Variants in STAT4 observed in about 807,000 individuals in gnomAD.
STAT4 encodes signal transducer and activator of transcription 4.
Under a neutral mutation model 110.5 loss-of-function variants are expected in STAT4, and 42 were observed. The ratio of observed to expected loss-of-function variants is 0.38; its 90% confidence interval spans 0.30 to 0.49. STAT4 has a LOEUF of 0.49. Ranked by LOEUF, STAT4 falls within the 20% of genes least tolerant of loss-of-function variation. The pLI, the probability that STAT4 is intolerant of heterozygous loss-of-function variation, is 0.95. For synonymous variants in STAT4, 284 were observed against 302.2 expected, an observed-to-expected ratio of 0.94 and a Z score of 0.63; for missense variants, 632 against 887.9, an observed-to-expected ratio of 0.71 and a Z score of 3.66.
intron 4 of STAT4, among the ~76,000 whole-genome samples, chr2:191,074,185 C>A (rs1697246631): frequency 6.6e-6 from 1 of 152,190 alleles, no homozygotes; most frequent in African/African-American, 2.4e-5. Context: ...TAATCTGATA[C>A]TGGGTGTGTT....
rs1226721445 is a variant in STAT4, at chr2:191,062,723, T to G, written c.941+39A>C. The G allele has an allele frequency of 1.9e-6, 3 of 1,610,624 alleles. No individual in the cohort carries two copies. Among genetic ancestry groups the G allele is most frequent in the Non-Finnish European group, 2.5e-6 (3 of 1,178,162 alleles). ...AAACCTTAGGAAGGGTGTTCTTACT[T>G]CACAGAATGGAGGATGCCATTGATA... On this transcript the variant is annotated intron_variant, in intron 9 of 23. Coordinates refer to ENST00000392320, the MANE Select transcript of STAT4 (RefSeq NM_003151.4). This position sits in a 1 kb window ranked among gnomAD's most constrained non-coding sequence, Gnocchi z 4.9.
chr2:191,141,690 G>A (rs1186317451), intron 3 of STAT4, among the ~76,000 whole-genome samples: 1 of 151,250 alleles, frequency 6.6e-6, no homozygotes, highest in Non-Finnish European at 1.5e-5. Flanking sequence ...GAGTGCAGTG[G>A]CACTATCTCG....
In STAT4 at chr2:191,051,293, T is replaced by C. The variant is rs1696515856; in HGVS notation, c.1251+3197A>G. ...TTTTAGAGCCCAGTTTTCCCATCTGTGTAGACACCTGCTCCCTCGAGAGGA... is the reference window on the plus strand; with the variant it reads ...TTTTAGAGCCCAGTTTTCCCATCTGCGTAGACACCTGCTCCCTCGAGAGGA... On this transcript the variant is annotated intron_variant, in intron 14 of 23. Transcript: ENST00000392320. This position sits in a 1 kb window ranked among gnomAD's most constrained non-coding sequence, Gnocchi z 5.6. Among the ~76,000 whole-genome samples the C allele has an allele frequency of 6.6e-6, 1 of 152,200 alleles. No homozygotes were observed. Among genetic ancestry groups the C allele is most frequent in the Non-Finnish European group, 1.5e-5 (1 of 68,040 alleles).
intron 3 of STAT4, 66 bp from the exon 4 acceptor site, chr2:191,076,391 T>C: frequency 8.5e-7 from 1 of 1,169,680 alleles, no homozygotes; most frequent in African/African-American, 1.6e-5. Flanking sequence ...CATAAGAAAA[T>C]ATCACCTCTT....
In STAT4 at chr2:191,031,259, G is replaced by A; in HGVS notation, c.2112-179C>T. On this transcript the variant is annotated intron_variant, in intron 22 of 23. Coordinates refer to ENST00000392320, the MANE Select transcript of STAT4 (RefSeq NM_003151.4). This position sits in a 1 kb window ranked among gnomAD's most constrained non-coding sequence, Gnocchi z 4.8. ...TGTGGCATATATGGCATATAAAAGG[G>A]GAATTTTATAATTTTAGGCACAATA... The A allele has an allele frequency of 1.1e-6, 1 of 884,660 alleles. No individual in the cohort carries two copies. The highest frequency in any genetic ancestry group is 1.7e-6 in the Non-Finnish European group (1 of 583,396). 54.8% of individuals were successfully genotyped at this position (884,660 alleles called of 1,614,324 possible).
intron 14 of STAT4, among the ~76,000 whole-genome samples, chr2:191,047,150 A>C (rs1401272909): frequency 1.3e-5 from 2 of 152,172 alleles, no homozygotes; most frequent in African/African-American, 4.8e-5. Flanking sequence ...AAAGACATGG[A>C]GGTGCTAGGA....
chr2:191,136,005 G>GA (rs745380203), intron 3 of STAT4, among the ~76,000 whole-genome samples: 43,256 of 79,212 alleles, frequency 0.55, 7,814 homozygotes, highest in East Asian at 0.64. Context: ...CAGCATCTCA[G>GA]AAAAAAAAAA....
At chr2:191,065,010 A>G (rs1402198476) in intron 7 of STAT4, 52 bp from the exon 8 acceptor site, 6 of 1,453,176 alleles carry the variant, frequency 4.1e-6, no homozygotes, top group Non-Finnish European at 5.5e-6. Context: ...TAAGTCACTT[A>G]GAATTCAATT....
chr2:191,143,757 A>G lies in STAT4; in HGVS notation c.273+2856T>C, dbSNP rs1193335207. ...CCCAGAGGATGAAAATATTTAAACCAGATAAGCACAGCGTCAACAGCCTTT... is the reference window on the plus strand; with the variant it reads ...CCCAGAGGATGAAAATATTTAAACCGGATAAGCACAGCGTCAACAGCCTTT... On this transcript the variant is annotated intron_variant, in intron 3 of 23. Coordinates refer to ENST00000392320, the MANE Select transcript of STAT4 (RefSeq NM_003151.4). The surrounding 1 kb of genome is among the most constrained non-coding windows in gnomAD (Gnocchi z 5.6). Among the ~76,000 whole-genome samples the G allele has an allele frequency of 6.6e-6, 1 of 152,176 alleles. No individual in the cohort carries two copies. The highest frequency in any genetic ancestry group is 1.5e-5 in the Non-Finnish European group (1 of 68,040).
Position 191,059,034 on chromosome 2 carries a change from A to G in STAT4, c.1035-265T>C, listed in dbSNP as rs1696780055. Among the ~76,000 whole-genome samples, 3 of 152,054 alleles carry G rather than the reference A, an allele frequency of 2.0e-5. No homozygotes were observed. The highest frequency in any genetic ancestry group is 4.4e-5 in the Non-Finnish European group (3 of 67,996). On this transcript the variant is annotated intron_variant, in intron 10 of 23. Transcript: ENST00000392320. This position sits in a 1 kb window ranked among gnomAD's most constrained non-coding sequence, Gnocchi z 4.7. ...TATTGCTTCAGTTGATGTTTGCTGG[A>G]TAATACGTTGGCCAGGTCAGAAAAA...
At chr2:191,052,760 G>C (rs1005620722) in intron 14 of STAT4, among the ~76,000 whole-genome samples, 4 of 152,204 alleles carry the variant, frequency 2.6e-5, no homozygotes, top group Non-Finnish European at 5.9e-5. Flanking sequence ...AGAATTCCAA[G>C]GAGATGTGTG....
intron 3 of STAT4, among the ~76,000 whole-genome samples, chr2:191,125,671 A>G (rs950539814): frequency 4.0e-5 from 6 of 151,800 alleles, no homozygotes; most frequent in African/African-American, 1.5e-4. Context: ...TTTTGTAGAG[A>G]TAGGGTCTCA....
chr2:191,146,562 A>G lies in STAT4; in HGVS notation c.273+51T>C. 1 of 1,367,398 alleles carries G rather than the reference A, an allele frequency of 7.3e-7. No individual in the cohort carries two copies. The highest frequency in any genetic ancestry group is 2.1e-4 in the Middle Eastern group (1 of 4,738). The allele number at this position is 1,367,398 out of a possible 1,614,324, so 84.7% of individuals were successfully genotyped here. ...GGGTACATATTTAATTTTTAACTAA[A>G]TTTAAGACTCATATATCCAAATATT... On this transcript the variant is annotated intron_variant, in intron 3 of 23. Transcript: ENST00000392320. The surrounding 1 kb of genome is among the most constrained non-coding windows in gnomAD (Gnocchi z 4.5).
chr2:191,068,994 A>G (rs779569385), intron 6 of STAT4, among the ~76,000 whole-genome samples: 1 of 152,140 alleles, frequency 6.6e-6, no homozygotes, highest in Non-Finnish European at 1.5e-5. Context: ...TTTGACATTT[A>G]TGCAATTACT....
At chr2:191,119,370 T>C (rs1698657767) in intron 3 of STAT4, among the ~76,000 whole-genome samples, 1 of 152,174 alleles carries the variant, frequency 6.6e-6, no homozygotes, top group Non-Finnish European at 1.5e-5. Context: ...TTAAAGTACA[T>C]GTGAGGCTTT....
rs1302092950 is a variant in STAT4, at chr2:191,058,639, A to C, written c.1094+71T>G. 2.2e-6 allele frequency: 2 copies of C among 895,450 alleles called. No individual in the cohort carries two copies. The highest frequency in any genetic ancestry group is 1.8e-6 in the Non-Finnish European group (1 of 568,166). 55.5% of individuals were successfully genotyped at this position (895,450 alleles called of 1,614,324 possible). A position where few individuals can be genotyped will look rare whatever the true frequency, so the allele number is the denominator to read the frequency against. On this transcript the variant is annotated intron_variant, in intron 11 of 23. Transcript: ENST00000392320. This position sits in a 1 kb window ranked among gnomAD's most constrained non-coding sequence, Gnocchi z 4.3. ...TTTAAAAGTTCAAAATTATTCTATA[A>C]AATAAAGGCCATTCATTTTTAAAAG...
At chr2:191,131,314 C>T (rs368706081) in intron 3 of STAT4, among the ~76,000 whole-genome samples, 3 of 151,756 alleles carry the variant, frequency 2.0e-5, no homozygotes, top group African/African-American at 2.4e-5. Context: ...CAGGAAATAA[C>T]GCAAATGCCC....
At chr2:191,080,665 A>G (rs1697440217) in intron 3 of STAT4, among the ~76,000 whole-genome samples, 1 of 152,172 alleles carries the variant, frequency 6.6e-6, no homozygotes, top group South Asian at 2.1e-4. Context: ...AAACAACCAC[A>G]TCACTAATAG....
At chr2:191,094,917 C>CAAAAAAA (rs1165913847) in intron 3 of STAT4, among the ~76,000 whole-genome samples, 24 of 77,902 alleles carry the variant, frequency 3.1e-4, no homozygotes, top group African/African-American at 5.3e-4. Context: ...AAATGGAAAG[C>CAAAAAAA]AAAAAAAAAA....
Sources: allele counts gnomAD v4.1 joint callset (sites outside exome capture counted in the v4.1 genomes callset), GRCh38; gene constraint gnomAD v4.1.1; non-coding constraint Gnocchi (gnomAD v3.1); transcripts MANE v1.5; gene names NCBI Gene and HGNC (gene_info 2026-07-23, HGNC 2026-07-21).